IMPG2: variants seen among roughly 807,000 people sequenced by gnomAD.
IMPG2 encodes the protein IPM 200.
In IMPG2, 91 loss-of-function variants were observed where a neutral mutation model predicts 129.2. That is an observed-to-expected ratio of 0.70 (90% CI 0.59 to 0.84). The LOEUF (loss-of-function observed/expected upper bound fraction) is 0.84, where lower values mean the gene tolerates loss of function less well. IMPG2 is among the 40% of genes least tolerant of loss of function. The pLI is 0.00. For synonymous variants in IMPG2, 510 were observed against 517.7 expected, an observed-to-expected ratio of 0.99 and a Z score of 0.20; for missense variants, 1,430 against 1,461.7, an observed-to-expected ratio of 0.98 and a Z score of 0.35.
intron 6 of IMPG2, among the ~76,000 whole-genome samples, chr3:101,274,958 A>C (rs1706825608): frequency 6.6e-6 from 1 of 152,042 alleles, no homozygotes. Flanking sequence ...GAGCGACTTA[A>C]CCTGATTTCA....
chr3:101,270,263 C>T (rs1706767813), intron 7 of IMPG2, among the ~76,000 whole-genome samples: 1 of 151,974 alleles, frequency 6.6e-6, no homozygotes, highest in Admixed American at 6.6e-5. Flanking sequence ...GGAATCTGGC[C>T]ACAGCACACA....
At chr3:101,230,779 T>TACTTCTGTTTTTCTTCAATTTGACACCCC (rs1706276496) in intron 16 of IMPG2, among the ~76,000 whole-genome samples, 178 bp downstream of exon 16, 1 of 152,238 alleles carries the variant, frequency 6.6e-6, no homozygotes, top group Non-Finnish European at 1.5e-5. Context: ...TTCTTAGTGC[T>TACTTCTGTTTTTCTTCAATTTGACACCCC]ACTTCTGTTT....
chr3:101,306,661 T>C (rs984918311), intron 2 of IMPG2, among the ~76,000 whole-genome samples: 2 of 152,042 alleles, frequency 1.3e-5, no homozygotes, highest in East Asian at 3.9e-4. Flanking sequence ...AGAGAAAGTA[T>C]AAAACAATGT....
intron 6 of IMPG2, among the ~76,000 whole-genome samples, chr3:101,273,966 G>C (rs1706814714): frequency 6.6e-6 from 1 of 152,152 alleles, no homozygotes; most frequent in South Asian, 2.1e-4. Context: ...GGGAGGCCGA[G>C]GTGGGCAGAT....
At chr3:101,252,648 T>A (rs1576751748) in intron 11 of IMPG2, among the ~76,000 whole-genome samples, 1 of 152,190 alleles carries the variant, frequency 6.6e-6, no homozygotes. Context: ...ACCAAATGAA[T>A]GTACTCTCTG....
chr3:101,241,053 A>G (rs947469150), intron 14 of IMPG2, among the ~76,000 whole-genome samples: 1 of 152,238 alleles, frequency 6.6e-6, no homozygotes, highest in African/African-American at 2.4e-5. Flanking sequence ...ATTTTTGAGT[A>G]CCTTCTGTGT....
chr3:101,226,790 T>A lies in IMPG2; in HGVS notation c.*179A>T, dbSNP rs1427402187. 8 of 618,930 alleles carry A rather than the reference T, an allele frequency of 1.3e-5. No homozygotes were observed. The African/African-American group carries it at 1.3e-4, about 10-fold the overall frequency. 38.3% of individuals were successfully genotyped at this position (618,930 alleles called of 1,614,324 possible). A position where few individuals can be genotyped will look rare whatever the true frequency, so the allele number is the denominator to read the frequency against. On this transcript the variant is annotated 3_prime_UTR_variant, in exon 19 of 19. Coordinates refer to ENST00000193391, the MANE Select transcript of IMPG2 (RefSeq NM_016247.4). ...CTTTATAGAAATAAAAATGGTAACATCTCTTACTACATTCTGAAAACTTAA... is the reference window on the plus strand; with the variant it reads ...CTTTATAGAAATAAAAATGGTAACAACTCTTACTACATTCTGAAAACTTAA...
At chr3:101,229,853 A>G (rs1428821162) in intron 16 of IMPG2, among the ~76,000 whole-genome samples, 5 of 152,222 alleles carry the variant, frequency 3.3e-5, no homozygotes, top group Non-Finnish European at 5.9e-5. Flanking sequence ...CCTGGCATTC[A>G]TAAATGTTGG....
At chr3:101,241,527 T>C (rs989046340) in intron 14 of IMPG2, among the ~76,000 whole-genome samples, 5 of 151,992 alleles carry the variant, frequency 3.3e-5, no homozygotes, top group African/African-American at 1.2e-4. Context: ...AAGAGTACCA[T>C]GGGGGCTATA....
rs1218656442 is a variant in IMPG2 at position 101,313,121 on chromosome 3, TA to T, written c.334+6462del. On this transcript the variant is annotated intron_variant, in intron 2 of 18. Transcript: ENST00000193391. ...TTGAATTACATCCCAATAAAAGCTG[TA>T]AAAAATGCAATTCCCTCTGGAAAGG... 2.6e-5 allele frequency among the ~76,000 whole-genome samples: 4 copies of T among 152,052 alleles called. No individual in the cohort carries two copies. The East Asian group carries it at 7.7e-4, about 29-fold the overall frequency.
rs530936890 is a variant in IMPG2 at position 101,261,100 on chromosome 3, G to A, written c.909-3327C>T. 2.6e-4 allele frequency among the ~76,000 whole-genome samples: 39 copies of A among 152,088 alleles called. 1 individual carries two copies. The highest frequency in any genetic ancestry group is 1.1e-3 in the Admixed American group (17 of 15,250). ...GTATCTTCTGGTTAATCATTTTAGA[G>A]ACATTGTTTCCTGGCCACAGCCCAG... is the stretch of plus-strand genomic sequence containing the variant. On this transcript the variant is annotated intron_variant, in intron 9 of 18. Transcript: ENST00000193391.
At chr3:101,283,843 A>G (rs1396890235) in intron 4 of IMPG2, among the ~76,000 whole-genome samples, 1 of 152,234 alleles carries the variant, frequency 6.6e-6, no homozygotes, top group Admixed American at 6.5e-5. Flanking sequence ...CACTGTTCTA[A>G]GCAAATGTTA....
At chr3:101,233,719 A>C (rs893387579) in intron 14 of IMPG2, among the ~76,000 whole-genome samples, 1 of 152,216 alleles carries the variant, frequency 6.6e-6, no homozygotes, top group Non-Finnish European at 1.5e-5. Context: ...CCATCCTGCC[A>C]CAGTTCCCAC....
Position 101,263,115 on chromosome 3 carries a change from C to A in IMPG2, c.908+4396G>T, listed in dbSNP as rs146714205. 1.5e-4 allele frequency among the ~76,000 whole-genome samples: 23 copies of A among 152,040 alleles called. No homozygotes were observed. The East Asian group carries it at 4.4e-3, about 29-fold the overall frequency. On this transcript the variant is annotated intron_variant, in intron 9 of 18. Transcript: ENST00000193391. ...ACAATAACAGTTGAGGACTTCAACA[C>A]CCCATTATCTCCCTAGAACAAATCA... is the stretch of plus-strand genomic sequence containing the variant.
intron 18 of IMPG2, 52 bp downstream of exon 18, chr3:101,228,745 A>C (rs1706249773): frequency 2.2e-6 from 3 of 1,377,904 alleles, no homozygotes; most frequent in Non-Finnish European, 3.1e-6. Context: ...ATTACTCTAG[A>C]GTAAACTGTT....
chr3:101,269,926 C>CTTTTTTTTTTTTTT (rs5851267), intron 7 of IMPG2, among the ~76,000 whole-genome samples: 1 of 106,980 alleles, frequency 9.3e-6, no homozygotes, highest in Non-Finnish European at 1.9e-5. Context: ...TTATTTTATT[C>CTTTTTTTTTTTTTT]TTTTTTTTTT....
chr3:101,269,846 CT>C (rs1706761578), intron 7 of IMPG2, among the ~76,000 whole-genome samples: 1 of 150,304 alleles, frequency 6.7e-6, no homozygotes, highest in Admixed American at 6.6e-5. Flanking sequence ...TGGCAAAGCA[CT>C]GTTTTTCCCT....
At chr3:101,246,214 G>T (rs762644168) in intron 11 of IMPG2, 109 bp from the exon 12 acceptor site, 262 of 1,006,484 alleles carry the variant, frequency 2.6e-4, no homozygotes, top group Non-Finnish European at 3.5e-4. Context: ...GGGACAAGGA[G>T]GCGGTGTATT....
In IMPG2 at chr3:101,243,981, A is replaced by G; in HGVS notation, c.2350T>C (p.Trp784Arg). The part of the protein sequence containing the change: ...WTILPESERV[W>R]TRTSSLEKLS... ...TTCTCTAGGGAAGAAGTTCTTGTCC[A>G]AACTCTCTCTGATTCTGGCAATATA... is the stretch of plus-strand genomic sequence containing the variant. Residue 784 changes from tryptophan to arginine, a missense_variant, in exon 13 of 19, where the codon TGG becomes CGG. Trp to Arg is a moderately radical substitution (Grantham distance 101, BLOSUM62 -3). Transcript: ENST00000193391. 1 of 1,614,210 alleles carries G rather than the reference A, an allele frequency of 6.2e-7. No individual in the cohort carries two copies. Among genetic ancestry groups the G allele is most frequent in the Non-Finnish European group, 8.5e-7 (1 of 1,180,026 alleles).
Sources: gnomAD v4.1 joint callset for allele counts (sites outside exome capture counted in the v4.1 genomes callset) on GRCh38, gnomAD v4.1.1 for gene constraint, MANE v1.5 for transcripts, NCBI Gene and HGNC (gene_info 2026-07-23, HGNC 2026-07-21) for gene names.